The following RBFOX1 variants were observed in gnomAD, a reference collection of about 807,000 sequenced individuals.
RBFOX1 encodes RNA binding protein fox-1 homolog 1.
RBFOX1 carries 8 observed loss-of-function variants against 57.7 expected under a neutral mutation model. The observed-to-expected ratio is 0.14, with a 90% CI of 0.08 to 0.25. The LOEUF (loss-of-function observed/expected upper bound fraction) is 0.25, where lower values mean the gene tolerates loss of function less well. Among genes scored for constraint, RBFOX1 ranks in the 10% least tolerant of loss-of-function variants. The pLI is 1.00. For synonymous variants in RBFOX1, 326 were observed against 222.4 expected, an observed-to-expected ratio of 1.47 and a Z score of -4.15; for missense variants, 611 against 548.5, an observed-to-expected ratio of 1.11 and a Z score of -1.14.
At chr16:6,989,123 T>G (rs562764449) in intron 3 of RBFOX1, among the ~76,000 whole-genome samples, 3 of 152,254 alleles carry the variant, frequency 2.0e-5, no homozygotes, top group South Asian at 2.1e-4. Context: ...CCTAAACTCT[T>G]GACCTCAAGT....
chr16:5,363,128 G>A, intron 1 of RBFOX1, among the ~76,000 whole-genome samples: 1 of 150,722 alleles, frequency 6.6e-6, no homozygotes, highest in East Asian at 1.9e-4. Flanking sequence ...CCACCTCCTG[G>A]GTTCAAGCGA....
intron 4 of RBFOX1, among the ~76,000 whole-genome samples, chr16:7,309,595 A>G (rs2096266003): frequency 6.6e-6 from 1 of 152,210 alleles, no homozygotes; most frequent in Non-Finnish European, 1.5e-5. Flanking sequence ...GTAATTCTCC[A>G]GTAGCTGATG....
intron 3 of RBFOX1, among the ~76,000 whole-genome samples, chr16:6,857,338 A>G (rs1009311542): frequency 6.6e-6 from 1 of 152,202 alleles, no homozygotes; most frequent in Non-Finnish European, 1.5e-5. Context: ...AAAAAGATGT[A>G]TGGGTAGCAT....
At chr16:5,779,239 T>G (rs967964845) in intron 3 of RBFOX1, among the ~76,000 whole-genome samples, 3 of 152,196 alleles carry the variant, frequency 2.0e-5, no homozygotes, top group African/African-American at 7.2e-5. Flanking sequence ...ATCTGATCCC[T>G]CTGTCAGTCT....
intron 1 of RBFOX1, among the ~76,000 whole-genome samples, chr16:5,404,955 T>G (rs2066821551): frequency 6.6e-6 from 1 of 152,254 alleles, no homozygotes; most frequent in South Asian, 2.1e-4. Flanking sequence ...GTCATCATCA[T>G]AGGAAGTACT....
At chr16:6,046,787 G>T (rs1319945833) in intron 1 of RBFOX1, among the ~76,000 whole-genome samples, 6 of 152,154 alleles carry the variant, frequency 3.9e-5, no homozygotes, top group Admixed American at 3.9e-4. Context: ...TGGAACATCT[G>T]GCCAAAGTCA....
At chr16:6,464,529 G>A (rs183477100) in intron 2 of RBFOX1, among the ~76,000 whole-genome samples, 4 of 152,270 alleles carry the variant, frequency 2.6e-5, no homozygotes, top group Admixed American at 6.5e-5. Context: ...TTATAAAATT[G>A]CTGTCTAGTT....
intron 1 of RBFOX1, among the ~76,000 whole-genome samples, chr16:6,191,670 T>C (rs765711625): frequency 6.6e-6 from 1 of 152,112 alleles, no homozygotes; most frequent in Non-Finnish European, 1.5e-5. Flanking sequence ...CAAAAGGCAA[T>C]TTCTGTTGCC....
chr16:7,318,144 ATGG>A (rs2096480075), intron 4 of RBFOX1, among the ~76,000 whole-genome samples: 1 of 150,274 alleles, frequency 6.7e-6, no homozygotes, highest in Admixed American at 6.6e-5. Flanking sequence ...AGTGGTGATA[ATGG>A]TGGTAATGGT....
At chr16:6,203,302 G>C (rs748043818) in intron 1 of RBFOX1, among the ~76,000 whole-genome samples, 2 of 152,122 alleles carry the variant, frequency 1.3e-5, no homozygotes, top group Non-Finnish European at 2.9e-5. Flanking sequence ...GGTTCTGTGA[G>C]TTTTGATGAT....
intron 4 of RBFOX1, among the ~76,000 whole-genome samples, chr16:7,071,718 A>G (rs2057378255): frequency 6.6e-6 from 1 of 152,036 alleles, no homozygotes; most frequent in African/African-American, 2.4e-5. Flanking sequence ...CTAGGTCCCT[A>G]TACACAAAAA....
At position 5,424,979 on chromosome 16, in the gene RBFOX1, T is replaced by TTTCTTTC. The variant is rs769526087; in HGVS notation, c.220-42235_220-42234insCTTTCTT. 4.2e-4 allele frequency among the ~76,000 whole-genome samples: 26 copies of TTTCTTTC among 61,848 alleles called. 2 individuals are homozygous for TTTCTTTC. The highest frequency in any genetic ancestry group is 1.6e-3 in the African/African-American group (16 of 10,322). The allele number at this position is 61,848 out of a possible 152,430, so 40.6% of individuals were successfully genotyped here. A position where few individuals can be genotyped will look rare whatever the true frequency, so the allele number is the denominator to read the frequency against. ...TTGTTTCTTTCTCTTTCTTTCTTTC[T>TTTCTTTC]TTTCTTTTCTTTTCTTTTCTTTTCT... On this transcript the variant is annotated intron_variant, in intron 1 of 2. Transcript: ENST00000585867.
intron 4 of RBFOX1, among the ~76,000 whole-genome samples, chr16:5,873,810 G>A (rs1208702038): frequency 1.3e-5 from 2 of 152,114 alleles, no homozygotes; most frequent in South Asian, 2.1e-4. Flanking sequence ...GATAGGCTAG[G>A]GATATTTATA....
chr16:5,458,130 T>G (rs570970655), intron 1 of RBFOX1, among the ~76,000 whole-genome samples: 1 of 152,338 alleles, frequency 6.6e-6, no homozygotes, highest in South Asian at 2.1e-4. Context: ...GATATCAAAT[T>G]AAATATTGCA....
At chr16:5,382,993 A>G (rs1482684451) in intron 1 of RBFOX1, among the ~76,000 whole-genome samples, 2 of 152,228 alleles carry the variant, frequency 1.3e-5, no homozygotes, top group Non-Finnish European at 2.9e-5. Context: ...TTTAGCCATC[A>G]AGAATAAAGT....
At chr16:6,818,144 C>G (rs1184337841) in intron 3 of RBFOX1, among the ~76,000 whole-genome samples, 2 of 152,132 alleles carry the variant, frequency 1.3e-5, no homozygotes, top group Non-Finnish European at 2.9e-5. Flanking sequence ...TTCTAGGTTC[C>G]TCTGGTAGAG....
intron 4 of RBFOX1, among the ~76,000 whole-genome samples, chr16:7,273,389 C>T (rs1032184356): frequency 6.6e-6 from 1 of 152,024 alleles, no homozygotes; most frequent in Non-Finnish European, 1.5e-5. Flanking sequence ...GACTGATATT[C>T]TGGATAATGG....
chr16:7,062,902 T>G (rs1236305650), intron 4 of RBFOX1, among the ~76,000 whole-genome samples: 1 of 113,674 alleles, frequency 8.8e-6, no homozygotes, highest in Admixed American at 9.4e-5. Context: ...CATTTTTTTT[T>G]TTTTTTTTTT....
intron 3 of RBFOX1, among the ~76,000 whole-genome samples, chr16:5,760,403 CATACAT>C (rs2053552225): frequency 6.6e-6 from 1 of 152,124 alleles, no homozygotes. Context: ...TACACACACA[CATACAT>C]ATATACCCCC....
Sources: allele counts gnomAD v4.1 joint callset (sites outside exome capture counted in the v4.1 genomes callset), GRCh38; gene constraint gnomAD v4.1.1; transcripts MANE v1.5; gene names NCBI Gene and HGNC (gene_info 2026-07-23, HGNC 2026-07-21).